Variants in SPRR2G observed in about 807,000 individuals in gnomAD.
SPRR2G encodes small proline-rich protein 2G.
In SPRR2G, 1 loss-of-function variant was observed where a neutral mutation model predicts 0.7. That is an observed-to-expected ratio of 1.49 (90% CI 0.53 to 7.06). The LOEUF (loss-of-function observed/expected upper bound fraction) is 7.06, where lower values mean the gene tolerates loss of function less well. SPRR2G is among the 30% of genes most tolerant of loss of function. The pLI, the probability that SPRR2G is intolerant of heterozygous loss-of-function variation, is 0.14. For synonymous variants in SPRR2G, 38 were observed against 33.9 expected (o/e 1.12, Z -0.42); for missense variants, 96 against 88.5 (o/e 1.09, Z -0.34).
chr1:153,171,316 G>C, the SPRR2G span, among the ~76,000 whole-genome samples: 1 of 152,146 alleles, frequency 6.6e-6, no homozygotes, highest in South Asian at 2.1e-4. Context: ...CAAAAAGAGA[G>C]TAAATAACAA....
At chr1:153,161,151 G>A in the SPRR2G span, among the ~76,000 whole-genome samples, 1 of 151,788 alleles carries the variant, frequency 6.6e-6, no homozygotes, top group African/African-American at 2.4e-5. Context: ...GAGTTAATGG[G>A]TGCCGCACAC....
At chr1:153,172,127 G>A in the SPRR2G span, among the ~76,000 whole-genome samples, 3 of 152,118 alleles carry the variant, frequency 2.0e-5, no homozygotes, top group African/African-American at 7.2e-5. Context: ...TGTCCCATGA[G>A]AGGACCAGGA....
chr1:153,163,352 T>C, the SPRR2G span, among the ~76,000 whole-genome samples: 1 of 152,216 alleles, frequency 6.6e-6, no homozygotes, highest in Non-Finnish European at 1.5e-5. Flanking sequence ...AAGAAGGCCA[T>C]CTTGCCAAAG....
the SPRR2G span, among the ~76,000 whole-genome samples, chr1:153,178,901 C>A: frequency 6.6e-6 from 1 of 152,016 alleles, no homozygotes; most frequent in African/African-American, 2.4e-5. Context: ...CCTTTTGGAC[C>A]TGGGGCATTC....
the SPRR2G span, among the ~76,000 whole-genome samples, chr1:153,165,519 T>G: frequency 6.6e-6 from 1 of 152,172 alleles, no homozygotes; most frequent in African/African-American, 2.4e-5. Context: ...AGGCATCAAA[T>G]AGAGACTCAG....
chr1:153,199,912 G>T, the SPRR2G span, among the ~76,000 whole-genome samples: 1 of 152,028 alleles, frequency 6.6e-6, no homozygotes, highest in East Asian at 1.9e-4. Context: ...CATCATGCAG[G>T]TTCTGCTTGT....
At position 153,150,837 on chromosome 1, in the gene SPRR2G, A is replaced by C. The variant is rs900982152; in HGVS notation, c.-22+15T>G. On this transcript the variant is annotated intron_variant, in intron 1 of 1. Transcript: ENST00000368748. The stretch of plus-strand genomic sequence containing the variant: ...CCATCCAAGTGCAAGAAAAGCTTCT[A>C]ATATTTGTACTCACCAGAGTCTTCA... The C allele has an allele frequency of 6.5e-6, 1 of 153,164 alleles. No homozygotes were observed. Among genetic ancestry groups the C allele is most frequent in the South Asian group, 2.1e-4 (1 of 4,866 alleles). 9.5% of individuals were successfully genotyped at this position (153,164 alleles called of 1,614,324 possible).
chr1:153,195,954 C>T, the SPRR2G span, among the ~76,000 whole-genome samples: 1 of 152,168 alleles, frequency 6.6e-6, no homozygotes, highest in Non-Finnish European at 1.5e-5. Flanking sequence ...AGGTCCTTCC[C>T]AGAAAACAGC....
chr1:153,178,287 C>T, the SPRR2G span, among the ~76,000 whole-genome samples: 1 of 152,114 alleles, frequency 6.6e-6, no homozygotes. Flanking sequence ...GACATTTGTG[C>T]TTCTTCTTTC....
upstream of SPRR2G, among the ~76,000 whole-genome samples, chr1:153,152,387 G>T (rs1204504148): frequency 6.6e-6 from 1 of 151,898 alleles, no homozygotes; most frequent in Admixed American, 6.6e-5. Context: ...TCTCAGGGAA[G>T]ATTTTTGCCT....
At chr1:153,193,051 G>T in the SPRR2G span, among the ~76,000 whole-genome samples, 5 of 151,982 alleles carry the variant, frequency 3.3e-5, no homozygotes, top group Non-Finnish European at 7.4e-5. Context: ...CTCCTTGTCC[G>T]CTGACCAGCC....
At chr1:153,150,676 C>T (rs1656448917) in intron 1 of SPRR2G, among the ~76,000 whole-genome samples, 176 bp downstream of exon 1, 1 of 152,198 alleles carries the variant, frequency 6.6e-6, no homozygotes, top group South Asian at 2.1e-4. Context: ...CTCCAGGTTC[C>T]TCATCACCTT....
At chr1:153,201,951 C>T in the SPRR2G span, among the ~76,000 whole-genome samples, 2 of 152,184 alleles carry the variant, frequency 1.3e-5, no homozygotes, top group East Asian at 3.8e-4. Flanking sequence ...TCCCCTGTTT[C>T]CTCAGCTCTC....
At chr1:153,202,230 C>T in the SPRR2G span, among the ~76,000 whole-genome samples, 2 of 152,200 alleles carry the variant, frequency 1.3e-5, no homozygotes, top group African/African-American at 4.8e-5. Flanking sequence ...TGACCCTCCC[C>T]GAAACTGCAC....
the SPRR2G span, among the ~76,000 whole-genome samples, chr1:153,168,312 G>T: frequency 6.6e-6 from 1 of 152,196 alleles, no homozygotes; most frequent in Non-Finnish European, 1.5e-5. Context: ...CACTTCAGTT[G>T]TGTCTTGATA....
intron 1 of SPRR2G, among the ~76,000 whole-genome samples, chr1:153,150,518 G>GT (rs1249244675): frequency 6.6e-6 from 1 of 152,128 alleles, no homozygotes; most frequent in Non-Finnish European, 1.5e-5. Context: ...TGAGCCATGA[G>GT]TTTTTTAAGA....
the SPRR2G span, among the ~76,000 whole-genome samples, chr1:153,161,042 G>A: frequency 1.4e-5 from 2 of 146,782 alleles, no homozygotes; most frequent in Admixed American, 1.4e-4. Context: ...ATTGAACAAC[G>A]AGAACACATG....
the SPRR2G span, among the ~76,000 whole-genome samples, chr1:153,164,511 C>G: frequency 1.3e-5 from 2 of 152,176 alleles, no homozygotes; most frequent in African/African-American, 4.8e-5. Flanking sequence ...GTACCAAATA[C>G]AGTCATCCCT....
At chr1:153,171,584 A>T in the SPRR2G span, among the ~76,000 whole-genome samples, 1 of 152,142 alleles carries the variant, frequency 6.6e-6, no homozygotes, top group East Asian at 1.9e-4. Flanking sequence ...TCTTCAGCAG[A>T]TAATTGCTCA....
Sources: allele counts gnomAD v4.1 joint callset (sites outside exome capture counted in the v4.1 genomes callset), GRCh38; gene constraint gnomAD v4.1.1; transcripts MANE v1.5; gene names NCBI Gene and HGNC (gene_info 2026-07-23, HGNC 2026-07-21).